The following KIAA1755 variants were observed in gnomAD, a reference collection of about 807,000 sequenced individuals.
KIAA1755 encodes uncharacterized protein KIAA1755.
Under a neutral mutation model 91.7 loss-of-function variants are expected in KIAA1755, and 68 were observed. The observed-to-expected ratio is 0.74, with a 90% CI of 0.61 to 0.91. The LOEUF (loss-of-function observed/expected upper bound fraction) is 0.91. Ranked by LOEUF, KIAA1755 falls within the 40% of genes least tolerant of loss-of-function variation. The probability of loss-of-function intolerance (pLI) is 0.00; values close to 1 mark genes in which losing one functional copy is unlikely to be tolerated. For missense variants in KIAA1755, 1,535 were observed against 1,494.4 expected (o/e 1.03, Z -0.45); for synonymous variants, 610 against 604.6 (o/e 1.01, Z -0.13).
chr20:38,214,925 G>A (rs889087597), intron 13 of KIAA1755, among the ~76,000 whole-genome samples: 1 of 152,366 alleles, frequency 6.6e-6, no homozygotes, highest in East Asian at 1.9e-4. Flanking sequence ...CGGATTAAGG[G>A]AACTTGACTT....
Position 38,250,654 on chromosome 20 carries a change from G to A in KIAA1755, c.4-4528C>T, listed in dbSNP as rs573145828. ...CAAAGAGAAAACCCCGTGTGCTGCAGAAAAGTGGCTGCTTCTACGAGGAGG... is the reference window on the plus strand; with the variant it reads ...CAAAGAGAAAACCCCGTGTGCTGCAAAAAAGTGGCTGCTTCTACGAGGAGG... On this transcript the variant is annotated intron_variant, in intron 1 of 13. Transcript: ENST00000279024. Among the ~76,000 whole-genome samples the A allele has an allele frequency of 8.5e-5, 13 of 152,174 alleles. No individual in the cohort carries two copies. The South Asian group carries it at 1.5e-3, about 17-fold the overall frequency.
rs1053931 is a variant in KIAA1755, at chr20:38,212,891, G to A, written c.*151C>T. The A allele has an allele frequency of 0.44, 268,931 of 609,052 alleles. 61,343 individuals are homozygous for A. Among genetic ancestry groups the A allele is most frequent in the East Asian group, 0.49 (17,435 of 35,726 alleles). 37.7% of individuals were successfully genotyped at this position (609,052 alleles called of 1,614,324 possible). ...AGTTTTCTGGAGCCAGGGGCAGGTC[G>A]ACAGTTCTCATCCTCCCAGCAGAGG... On this transcript the variant is annotated 3_prime_UTR_variant, in exon 14 of 14. Transcript: ENST00000279024.
At chr20:38,219,529 C>A in intron 11 of KIAA1755, 101 bp downstream of exon 11, 10 of 1,499,670 alleles carry the variant, frequency 6.7e-6, no homozygotes, top group Non-Finnish European at 7.2e-6. Context: ...GTCCTTTCTC[C>A]AGAACAAAGC....
chr20:38,223,512 C>T (rs766725814), intron 9 of KIAA1755, 26 bp downstream of exon 9: 1 of 1,531,546 alleles, frequency 6.5e-7, no homozygotes, highest in East Asian at 2.4e-5. Context: ...GATGTAGCTT[C>T]CCCAGTCACC....
Position 38,222,484 on chromosome 20 carries a change from A to G in KIAA1755, c.2382T>C (p.His794=). 6.2e-7 allele frequency: 1 copy of G among 1,613,732 alleles called. No homozygotes were observed. Among genetic ancestry groups the G allele is most frequent in the Non-Finnish European group, 8.5e-7 (1 of 1,180,010 alleles). Residue 794 remains histidine (H), a synonymous_variant, in exon 10 of 14, where the codon CAT becomes CAC. Transcript: ENST00000279024. ...EGGATLARLQ[H]DASRLDFSPD... ...GGCTGAAGTCCAGCCTGCTGGCATC[A>G]TGCTGCAGCCTGGCCAGGGTGGCTC...
Sources: allele counts gnomAD v4.1 joint callset (sites outside exome capture counted in the v4.1 genomes callset), GRCh38; gene constraint gnomAD v4.1.1; transcripts MANE v1.5; gene names NCBI Gene and HGNC (gene_info 2026-07-23, HGNC 2026-07-21).